The following SERINC5 variants were observed in gnomAD, a reference collection of about 807,000 sequenced individuals.
SERINC5 encodes chromosome 5 open reading frame 12.
Under a neutral mutation model 63.1 loss-of-function variants are expected in SERINC5, and 41 were observed. The ratio of observed to expected loss-of-function variants is 0.65; its 90% CI spans 0.51 to 0.84. The LOEUF (loss-of-function observed/expected upper bound fraction) is 0.84. SERINC5 is among the 40% of genes least tolerant of loss of function. The pLI is 0.00. For missense variants in SERINC5, 523 were observed against 573.0 expected (o/e 0.91, Z 0.89); for synonymous variants, 222 against 215.2 (o/e 1.03, Z -0.28).
At chr5:80,132,599 CTTTT>C (rs10708908) in intron 11 of SERINC5, among the ~76,000 whole-genome samples, 1 of 147,334 alleles carries the variant, frequency 6.8e-6, no homozygotes. Flanking sequence ...TGCCTTAGTT[CTTTT>C]TTTTTTTATT....
chr5:80,223,434 G>GT (rs1335410525), intron 1 of SERINC5, among the ~76,000 whole-genome samples: 2 of 151,776 alleles, frequency 1.3e-5, no homozygotes, highest in East Asian at 1.9e-4. Context: ...TTATTGTTTT[G>GT]TTTTTTTCCC....
intron 2 of SERINC5, among the ~76,000 whole-genome samples, chr5:80,201,514 A>G (rs4704635): frequency 0.62 from 94,222 of 152,028 alleles, 29,762 homozygotes; most frequent in African/African-American, 0.73. Flanking sequence ...GAAGATATGA[A>G]CCACAGAGCC....
chr5:80,233,615 A>G (rs573685340), intron 1 of SERINC5, among the ~76,000 whole-genome samples: 52 of 152,110 alleles, frequency 3.4e-4, no homozygotes, highest in African/African-American at 1.2e-3. Context: ...TTTTTTGAAC[A>G]CTTGTTAATT....
chr5:80,146,433 A>G (rs1316085295), intron 10 of SERINC5, among the ~76,000 whole-genome samples, 199 bp from the exon 11 acceptor site: 1 of 152,184 alleles, frequency 6.6e-6, no homozygotes, highest in East Asian at 1.9e-4. Flanking sequence ...AGGAAGAGTT[A>G]CCTAATGCCA....
At chr5:80,183,340 C>T (rs1462611971) in intron 2 of SERINC5, among the ~76,000 whole-genome samples, 1 of 152,122 alleles carries the variant, frequency 6.6e-6, no homozygotes, top group African/African-American at 2.4e-5. Flanking sequence ...AAGAACAAAG[C>T]AGGAGTTTGC....
At chr5:80,173,268 AGG>A (rs1747790588) in intron 5 of SERINC5, among the ~76,000 whole-genome samples, 1 of 151,112 alleles carries the variant, frequency 6.6e-6, no homozygotes, top group Admixed American at 6.6e-5. Flanking sequence ...GAAGGAAGGA[AGG>A]AAGGAAGGAA....
intron 1 of SERINC5, among the ~76,000 whole-genome samples, chr5:80,211,047 G>T (rs375616378): frequency 6.6e-6 from 1 of 152,158 alleles, no homozygotes; most frequent in African/African-American, 2.4e-5. Flanking sequence ...CCTGCAAGAG[G>T]TAACTGGATA....
chr5:80,253,454 C>A (rs1235588524), intron 1 of SERINC5, among the ~76,000 whole-genome samples: 1 of 152,198 alleles, frequency 6.6e-6, no homozygotes, highest in Non-Finnish European at 1.5e-5. Flanking sequence ...CCAGTCTTCA[C>A]GACATCCCAA....
At chr5:80,158,712 A>T in intron 8 of SERINC5, 124 bp downstream of exon 8, 1 of 888,736 alleles carries the variant, frequency 1.1e-6, no homozygotes, top group Non-Finnish European at 1.7e-6. Context: ...TCGCCTTTTT[A>T]CTTGTGGTTA....
chr5:80,247,442 G>C (rs184477589), intron 1 of SERINC5, among the ~76,000 whole-genome samples: 55 of 152,306 alleles, frequency 3.6e-4, no homozygotes, highest in Non-Finnish European at 3.1e-4. Context: ...TGAGTCAGAG[G>C]CTGCCTTCCA....
At chr5:80,166,279 G>A (rs1270677149) in intron 7 of SERINC5, 104 bp downstream of exon 7, 5 of 791,234 alleles carry the variant, frequency 6.3e-6, no homozygotes, top group Non-Finnish European at 6.2e-6. Flanking sequence ...CCATCTTTCT[G>A]CTCTCTATCT....
chr5:80,121,025 C>T (rs1180524052), intron 11 of SERINC5, among the ~76,000 whole-genome samples: 1 of 151,964 alleles, frequency 6.6e-6, no homozygotes, highest in Non-Finnish European at 1.5e-5. Flanking sequence ...GTAGCTGGGA[C>T]TATAGGCATG....
intron 7 of SERINC5, among the ~76,000 whole-genome samples, chr5:80,164,344 G>T (rs1008412842): frequency 5.3e-5 from 8 of 150,720 alleles, no homozygotes; most frequent in African/African-American, 2.0e-4. Context: ...TTTTTGGGGG[G>T]GAGGGGGGTC....
intron 11 of SERINC5, 95 bp downstream of exon 11, chr5:80,145,995 G>A (rs761090029): frequency 2.2e-6 from 3 of 1,346,786 alleles, no homozygotes; most frequent in Admixed American, 3.7e-5. Flanking sequence ...GGGCAACAGA[G>A]TGAGACTCCT....
At chr5:80,210,089 G>A (rs1376784878) in intron 1 of SERINC5, among the ~76,000 whole-genome samples, 2 of 151,992 alleles carry the variant, frequency 1.3e-5, no homozygotes, top group East Asian at 1.9e-4. Flanking sequence ...TAAGTTGAAC[G>A]ATAGTGATAT....
chr5:80,207,113 C>T (rs1341419588), intron 1 of SERINC5, among the ~76,000 whole-genome samples: 1 of 152,086 alleles, frequency 6.6e-6, no homozygotes, highest in Non-Finnish European at 1.5e-5. Context: ...ATTCTCCTGC[C>T]TCAGCCTCCC....
intron 1 of SERINC5, among the ~76,000 whole-genome samples, chr5:80,239,429 C>T (rs1751853142): frequency 6.6e-6 from 1 of 151,726 alleles, no homozygotes; most frequent in South Asian, 2.1e-4. Flanking sequence ...CAGCATGCCC[C>T]CAATTTTCAG....
chr5:80,192,701 A>C (rs1311353291), intron 2 of SERINC5, among the ~76,000 whole-genome samples: 1 of 152,206 alleles, frequency 6.6e-6, no homozygotes, highest in Non-Finnish European at 1.5e-5. Flanking sequence ...GACTGCAGAG[A>C]CTGTCTCGCT....
intron 2 of SERINC5, among the ~76,000 whole-genome samples, chr5:80,190,106 CTTTTTTTTT>C (rs11422784): frequency 2.1e-5 from 2 of 93,238 alleles, no homozygotes; most frequent in Non-Finnish European, 4.0e-5. Flanking sequence ...GTCTCCCGTA[CTTTTTTTTT>C]TTTTTTTTTT....
Sources: allele counts gnomAD v4.1 joint callset (sites outside exome capture counted in the v4.1 genomes callset), GRCh38; gene constraint gnomAD v4.1.1; transcripts MANE v1.5; gene names NCBI Gene and HGNC (gene_info 2026-07-23, HGNC 2026-07-21).